MACF1: variants seen among roughly 807,000 people sequenced by gnomAD.
MACF1 encodes microtubule actin crosslinking factor 1, also known as microtubule-actin cross-linking factor 1.
A neutral mutation model predicts 854.8 loss-of-function variants in MACF1; 193 were observed. The observed-to-expected ratio is 0.23, with a 90% CI of 0.20 to 0.25. The LOEUF (loss-of-function observed/expected upper bound fraction) is 0.25, where lower values mean the gene tolerates loss of function less well. Ranked by LOEUF, MACF1 falls within the 10% of genes least tolerant of loss-of-function variation. The probability of loss-of-function intolerance (pLI) is 1.00; values close to 1 mark genes in which losing one functional copy is unlikely to be tolerated. For missense variants in MACF1, 7,722 were observed against 8,929.1 expected (o/e 0.86, Z 5.45); for synonymous variants, 3,185 against 3,226.7 (o/e 0.99, Z 0.44).
rs535994698 is a variant in MACF1, at chr1:39,273,313, G to C, written c.529-8895G>C. Among the ~76,000 whole-genome samples, 5 of 150,822 alleles carry C rather than the reference G, an allele frequency of 3.3e-5. No homozygotes were observed. The East Asian group carries it at 1.0e-3, about 30-fold the overall frequency. On this transcript the variant is annotated intron_variant, in intron 6 of 100. Coordinates refer to ENST00000564288, the MANE Select transcript of MACF1 (RefSeq NM_001394062.1). ...CCCCACCACGCCCAGCTATATACCA[G>C]TGTTCTTGCCACAACCCTTCGAGTC...
At chr1:39,236,277 C>T (rs1557535684) in intron 2 of MACF1, among the ~76,000 whole-genome samples, 1 of 152,200 alleles carries the variant, frequency 6.6e-6, no homozygotes, top group Non-Finnish European at 1.5e-5. Flanking sequence ...TTGCTGCCTA[C>T]CTTTCCAGGC....
chr1:39,411,356 G>A (rs1189389193), intron 58 of MACF1: 26 of 1,613,906 alleles, frequency 1.6e-5, no homozygotes, highest in Non-Finnish European at 2.1e-5. Context: ...TTTGAAGAAA[G>A]AGAACAAGCA....
At chr1:39,268,800 T>C (rs1308894673) in intron 6 of MACF1, 2 of 1,289,378 alleles carry the variant, frequency 1.6e-6, no homozygotes, top group African/African-American at 3.0e-5. Context: ...CAAAAGGAGG[T>C]GGAGAGGGAA....
intron 1 of MACF1, among the ~76,000 whole-genome samples, chr1:39,207,849 G>A (rs1350551852): frequency 2.0e-5 from 3 of 151,998 alleles, no homozygotes; most frequent in East Asian, 3.9e-4. Context: ...TAAACCAGAT[G>A]CTGGCTGGGC....
At chr1:39,300,158 T>C (rs952234811) in intron 21 of MACF1, 52 bp from the exon 22 acceptor site, 2 of 1,582,906 alleles carry the variant, frequency 1.3e-6, no homozygotes, top group African/African-American at 2.7e-5. Context: ...GTTGACTTAG[T>C]CACCCTGAGT....
At chr1:39,429,716 G>C (rs1643837364) in intron 64 of MACF1, 111 bp from the exon 65 acceptor site, 6 of 747,254 alleles carry the variant, frequency 8.0e-6, no homozygotes, top group African/African-American at 1.8e-5. Flanking sequence ...CATTACCACA[G>C]AGAGAGAGAG....
intron 15 of MACF1, among the ~76,000 whole-genome samples, chr1:39,291,096 C>A (rs1571278237): frequency 6.6e-6 from 1 of 151,948 alleles, no homozygotes; most frequent in Non-Finnish European, 1.5e-5. Flanking sequence ...CCTGCCTCAG[C>A]CTCTCAAGTA....
chr1:39,315,586 A>T lies in MACF1; in HGVS notation c.3344A>T (p.His1115Leu), dbSNP rs145184556. 613 of 1,614,102 alleles carry T rather than the reference A, an allele frequency of 3.8e-4. 3 individuals are homozygous for T. The African/African-American group carries it at 7.2e-3, about 19-fold the overall frequency. Residue 1115 changes from histidine (H) to leucine (L), a missense_variant, in exon 27 of 101, where the codon CAT becomes CTT. His to Leu is a moderately conservative substitution (Grantham distance 99). Transcript: ENST00000564288. ...TCTATGAAATGTGACAGCTTTCTCCATCAGTCTCCATCTAGTTCAAGTGTC... is the reference window on the plus strand; with the variant it reads ...TCTATGAAATGTGACAGCTTTCTCCTTCAGTCTCCATCTAGTTCAAGTGTC... ...AVSMKCDSFL[H>L]QSPSSSSVPT...
In MACF1 at chr1:39,481,574, ATTCTAGC is replaced by A. The variant is rs572541866; in HGVS notation, c.22281+549_22281+555del. Among the ~76,000 whole-genome samples the A allele has an allele frequency of 6.9e-3, 1,051 of 152,330 alleles. 8 individuals are homozygous for A. Among genetic ancestry groups the A allele is most frequent in the Non-Finnish European group, 9.5e-3 (645 of 68,024 alleles). The stretch of plus-strand genomic sequence containing the variant: ...CAGTGAACACTGACCTGAGGCTCAC[ATTCTAGC>A]TTCTGAATTTCTTGGCCTAGGCACT... On this transcript the variant is annotated intron_variant, in intron 99 of 100. Coordinates refer to ENST00000564288, the MANE Select transcript of MACF1 (RefSeq NM_001394062.1).
chr1:39,283,439 C>G lies in MACF1; in HGVS notation c.839C>G (p.Ser280Cys), dbSNP rs1413749187. 6.2e-7 allele frequency: 1 copy of G among 1,612,754 alleles called. No homozygotes were observed. The highest frequency in any genetic ancestry group is 8.5e-7 in the Non-Finnish European group (1 of 1,178,758). ...GATGTGCCATCTCCAGATGAAAAGT[C>G]TGTAATCACTTATGTGTCTTCGATT... ...DVDVPSPDEK[S>C]VITYVSSIYD... Residue 280 changes from serine to cysteine, a missense_variant, in exon 9 of 101, where the codon TCT (serine) becomes TGT (cysteine). Transcript: ENST00000564288. This position sits in a 1 kb window ranked among gnomAD's most constrained non-coding sequence, Gnocchi z 4.5.
At chr1:39,104,969 G>A (rs1275685006) in intron 2 of MACF1, among the ~76,000 whole-genome samples, 2 of 152,178 alleles carry the variant, frequency 1.3e-5, no homozygotes, top group African/African-American at 4.8e-5. Flanking sequence ...TTTCTCTCCA[G>A]CCAGGGAGAA....
intron 51 of MACF1, 51 bp downstream of exon 51, chr1:39,370,237 CTTGTA>C: frequency 6.8e-7 from 1 of 1,463,208 alleles, no homozygotes; most frequent in Non-Finnish European, 9.2e-7. Flanking sequence ...GGTTTGAATA[CTTGTA>C]TTAACTGGTC....
At chr1:39,201,859 C>T (rs1644393235), upstream of MACF1, among the ~76,000 whole-genome samples, 1 of 151,762 alleles carries the variant, frequency 6.6e-6, no homozygotes, top group Non-Finnish European at 1.5e-5. Context: ...TTGGTGTTCC[C>T]TGAACATAAG....
chr1:39,435,429 G>T (rs1643953422), intron 69 of MACF1, 129 bp from the exon 70 acceptor site: 2 of 704,624 alleles, frequency 2.8e-6, no homozygotes, highest in East Asian at 5.3e-5. Context: ...ATGGTGAGAT[G>T]CTGGGCCTTG....
chr1:39,227,056 T>G (rs533051009), intron 1 of MACF1, among the ~76,000 whole-genome samples: 1 of 152,296 alleles, frequency 6.6e-6, no homozygotes, highest in Admixed American at 6.5e-5. Context: ...CGTGTTGTGA[T>G]TTTGTTTTTT....
At chr1:39,252,046 G>A (rs1645045710) in intron 4 of MACF1, 105 bp downstream of exon 4, 1 of 644,572 alleles carries the variant, frequency 1.6e-6, no homozygotes, top group African/African-American at 1.9e-5. Flanking sequence ...GTTACTATTT[G>A]CCACCTTCTC....
intron 49 of MACF1, among the ~76,000 whole-genome samples, chr1:39,365,160 T>C (rs1334836287): frequency 6.6e-6 from 1 of 152,132 alleles, no homozygotes; most frequent in Non-Finnish European, 1.5e-5. Context: ...CACTGCAAGC[T>C]CTGCCTTCTG....
At chr1:39,424,304 T>A in intron 61 of MACF1, 110 bp downstream of exon 61, 2 of 841,402 alleles carry the variant, frequency 2.4e-6, no homozygotes, top group African/African-American at 1.7e-5. Flanking sequence ...GGAAGGTGTT[T>A]AATGGCTTTT....
upstream of MACF1, among the ~76,000 whole-genome samples, chr1:39,203,046 A>C (rs1335727187): frequency 2.0e-5 from 3 of 152,220 alleles, no homozygotes; most frequent in African/African-American, 7.2e-5. Context: ...AAGCAAAAGG[A>C]AAATAAATAA....
Sources: gnomAD v4.1 joint callset for allele counts (sites outside exome capture counted in the v4.1 genomes callset) on GRCh38, gnomAD v4.1.1 for gene constraint, Gnocchi (gnomAD v3.1) non-coding constraint, MANE v1.5 for transcripts, NCBI Gene and HGNC (gene_info 2026-07-23, HGNC 2026-07-21) for gene names.